The following CRLS1 variants were observed in gnomAD, a reference collection of about 807,000 sequenced individuals.
CRLS1 encodes cardiolipin synthase 1.
CRLS1 carries 24 observed loss-of-function variants against 37.0 expected under a neutral mutation model. That is an observed-to-expected ratio of 0.65 (90% CI 0.47 to 0.91). The LOEUF (loss-of-function observed/expected upper bound fraction) is 0.91, where lower values mean the gene tolerates loss of function less well. Ranked by LOEUF, CRLS1 falls within the 40% of genes least tolerant of loss-of-function variation. The pLI, the probability that CRLS1 is intolerant of heterozygous loss-of-function variation, is 0.00. For synonymous variants in CRLS1, 135 were observed against 159.7 expected (o/e 0.85, Z 1.17); for missense variants, 373 against 395.8 (o/e 0.94, Z 0.49).
chr20:6,010,638 A>G (rs987799284), intron 2 of CRLS1, among the ~76,000 whole-genome samples: 1 of 152,324 alleles, frequency 6.6e-6, no homozygotes, highest in Admixed American at 6.5e-5. Flanking sequence ...ACTGGAAAAT[A>G]ATTTTATAAC....
intron 3 of CRLS1, among the ~76,000 whole-genome samples, chr20:6,027,911 AT>A (rs1314659887): frequency 1.3e-5 from 2 of 152,200 alleles, no homozygotes; most frequent in African/African-American, 4.8e-5. Context: ...TCTTGTGGGA[AT>A]TCCTTTCTAA....
chr20:6,018,216 C>CAAA (rs57874755), intron 3 of CRLS1, among the ~76,000 whole-genome samples: 2,321 of 78,212 alleles, frequency 0.03, 203 homozygotes, highest in African/African-American at 0.11. Context: ...ACTCTGTCCT[C>CAAA]AAAAAAAAAA....
At chr20:6,033,251 T>C (rs1980311869) in intron 5 of CRLS1, among the ~76,000 whole-genome samples, 1 of 151,992 alleles carries the variant, frequency 6.6e-6, no homozygotes, top group Admixed American at 6.6e-5. Context: ...TGCCTCAGTC[T>C]CCCAAGTAGC....
In CRLS1 at chr20:6,012,257, G is replaced by A. The variant is rs137969337; in HGVS notation, c.444+2345G>A. ...CCAGGGAACGACAAAGTCTGATTGC[G>A]TTGTGTGTGGAAAATGGATTATAGA... On this transcript the variant is annotated intron_variant, in intron 2 of 6. Coordinates refer to ENST00000378863, the MANE Select transcript of CRLS1 (RefSeq NM_019095.6). Among the ~76,000 whole-genome samples the A allele has an allele frequency of 4.0e-3, 608 of 152,262 alleles. 2 individuals carry two copies. Among genetic ancestry groups the A allele is most frequent in the African/African-American group, 0.014 (571 of 41,552 alleles).
chr20:6,012,088 A>AG (rs1978365258), intron 2 of CRLS1, among the ~76,000 whole-genome samples: 1 of 151,228 alleles, frequency 6.6e-6, no homozygotes, highest in African/African-American at 2.4e-5. Context: ...AATGTTAGAG[A>AG]GGCCCCATTA....
chr20:6,028,093 T>A (rs1979867470), intron 3 of CRLS1, among the ~76,000 whole-genome samples: 1 of 152,262 alleles, frequency 6.6e-6, no homozygotes, highest in South Asian at 2.1e-4. Context: ...TCTTGCATGT[T>A]CCTACTTTTA....
Position 6,034,475 on chromosome 20 carries a change from A to C in CRLS1, c.741A>C (p.Ala247=), listed in dbSNP as rs1287316460. Residue 247 remains alanine, a synonymous_variant, in exon 6 of 7, where the codon GCA becomes GCC. Coordinates refer to ENST00000378863, the MANE Select transcript of CRLS1 (RefSeq NM_019095.6). The stretch of plus-strand genomic sequence containing the variant: ...CTTTTTTTATTTAGGTGAATACAGC[A>C]GTCCAGTTAATCTTGGTGGCAGCTT... ...KPTFISKVNT[A]VQLILVAASL... 1 of 1,611,996 alleles carries C rather than the reference A, an allele frequency of 6.2e-7. No homozygotes were observed. Among genetic ancestry groups the C allele is most frequent in the East Asian group, 2.2e-5 (1 of 44,868 alleles).
intron 2 of CRLS1, among the ~76,000 whole-genome samples, chr20:6,014,300 T>C (rs1436501984): frequency 6.6e-6 from 1 of 152,198 alleles, no homozygotes; most frequent in East Asian, 1.9e-4. Context: ...CTTGAACAGC[T>C]TCTGTTCTGC....
chr20:6,026,711 C>T (rs1336991319), intron 3 of CRLS1, among the ~76,000 whole-genome samples: 3 of 152,142 alleles, frequency 2.0e-5, no homozygotes, highest in Non-Finnish European at 4.4e-5. Context: ...CCTGAATTCT[C>T]AGTATCTTTA....
intron 1 of CRLS1, chr20:6,007,290 G>T: frequency 6.4e-7 from 1 of 1,566,476 alleles, no homozygotes; most frequent in East Asian, 2.3e-5. Flanking sequence ...GATCCTGGCA[G>T]GGGTCTCAAC....
Position 6,037,650 on chromosome 20 carries a change from A to T in CRLS1, c.*492A>T, listed in dbSNP as rs1387805712. On this transcript the variant is annotated 3_prime_UTR_variant, in exon 7 of 7. Coordinates refer to ENST00000378863, the MANE Select transcript of CRLS1 (RefSeq NM_019095.6). ...TAATTAATACCTGATCATTTGGGAT[A>T]ATGAAAGTGAAGTTAGTTGTAGATG... 6.6e-6 allele frequency: 1 copy of T among 152,284 alleles called. No individual in the cohort carries two copies. Among genetic ancestry groups the T allele is most frequent in the Non-Finnish European group, 1.5e-5 (1 of 68,072 alleles). The allele number at this position is 152,284 out of a possible 1,614,324, so 9.4% of individuals were successfully genotyped here. A position where few individuals can be genotyped will look rare whatever the true frequency, so the allele number is the denominator to read the frequency against.
chr20:6,038,934 C>A lies in CRLS1; in HGVS notation c.*1776C>A, dbSNP rs1051309822. 2.6e-5 allele frequency: 4 copies of A among 152,152 alleles called. No homozygotes were observed. Among genetic ancestry groups the A allele is most frequent in the Admixed American group, 6.5e-5 (1 of 15,278 alleles). 9.4% of individuals were successfully genotyped at this position (152,152 alleles called of 1,614,324 possible). On this transcript the variant is annotated 3_prime_UTR_variant, in exon 7 of 7. Coordinates refer to ENST00000378863, the MANE Select transcript of CRLS1 (RefSeq NM_019095.6). ...CCAAGTCTCCTCAGGCTTTTGGATA[C>A]TGAATTGTTATAAAACACATCAATT...
Position 6,031,379 on chromosome 20 carries a change from G to A in CRLS1, c.660+9G>A, listed in dbSNP as rs761353080. On this transcript the variant is annotated intron_variant, in intron 4 of 6. Coordinates refer to ENST00000378863, the MANE Select transcript of CRLS1 (RefSeq NM_019095.6). ...GAACTCTTCCAACACCAGTGAGTTT[G>A]TTTCCAAAAAGTATTCTTTTAGCAT... 1.8e-5 allele frequency: 28 copies of A among 1,580,290 alleles called. 1 individual carries two copies. In the South Asian group the frequency reaches 3.0e-4, roughly 17 times the overall value.
chr20:6,022,432 G>C (rs71338521), intron 3 of CRLS1, among the ~76,000 whole-genome samples: 37 of 147,046 alleles, frequency 2.5e-4, no homozygotes, highest in Non-Finnish European at 3.1e-4. Flanking sequence ...TCTGCCTCCC[G>C]GGCTCAAGCA....
At position 6,011,572 on chromosome 20, in the gene CRLS1, CTTTTTTTTTTTTTT is replaced by C. The variant is rs559511975; in HGVS notation, c.444+1681_444+1694del. On this transcript the variant is annotated intron_variant, in intron 2 of 6. Coordinates refer to ENST00000378863, the MANE Select transcript of CRLS1 (RefSeq NM_019095.6). Reference sequence around the variant, plus strand: ...TCTTTCTCCTTTTCTTTTGTCCCTGCTTTTTTTTTTTTTTTTTTTTTTTTTTTTTTTTTTGGGGA... The same window carrying C: ...TCTTTCTCCTTTTCTTTTGTCCCTGCTTTTTTTTTTTTTTTTTTTTGGGGA... Among the ~76,000 whole-genome samples, 53 of 27,860 alleles carry C rather than the reference CTTTTTTTTTTTTTT, an allele frequency of 1.9e-3. 1 individual carries two copies. In the South Asian group the frequency reaches 0.027, roughly 14 times the overall value. The allele number at this position is 27,860 out of a possible 152,430, so 18.3% of individuals were successfully genotyped here.
At position 6,015,434 on chromosome 20, in the gene CRLS1, A is replaced by G. The variant is rs1171614310; in HGVS notation, c.518A>G (p.Asp173Gly). 5 of 1,612,670 alleles carry G rather than the reference A, an allele frequency of 3.1e-6. No homozygotes were observed. The highest frequency in any genetic ancestry group is 4.2e-6 in the Non-Finnish European group (5 of 1,179,004). ...GGAAGTGCTCTTGATCCACTTGCTG[A>G]TAAAATACTTATCAGTATCTTATAT... is the stretch of plus-strand genomic sequence containing the variant. ...ALGSALDPLADKILISILYVS... is the reference protein window; with the variant it reads ...ALGSALDPLAGKILISILYVS... The change falls in exon 3 of 7, where the codon GAT becomes GGT. Residue 173 changes from aspartate to glycine, a missense_variant. Asp to Gly is a moderately conservative substitution (Grantham distance 94, BLOSUM62 -1). Coordinates refer to ENST00000378863, the MANE Select transcript of CRLS1 (RefSeq NM_019095.6).
At chr20:6,006,874 C>A in intron 1 of CRLS1, 1 of 947,022 alleles carries the variant, frequency 1.1e-6, no homozygotes, top group Middle Eastern at 5.5e-4. Context: ...ATTTTTAATT[C>A]TTTTGAAGTG....
At chr20:6,007,109 C>A in intron 1 of CRLS1, 1 of 586,402 alleles carries the variant, frequency 1.7e-6, no homozygotes, top group Non-Finnish European at 2.6e-6. Flanking sequence ...AAGTATTTGT[C>A]CACTTACCTG....
At chr20:6,012,535 T>C (rs1310440071) in intron 2 of CRLS1, among the ~76,000 whole-genome samples, 1 of 152,016 alleles carries the variant, frequency 6.6e-6, no homozygotes, top group African/African-American at 2.4e-5. Flanking sequence ...GGGACTTACT[T>C]TAAAAAAAAA....
Sources: allele counts gnomAD v4.1 joint callset (sites outside exome capture counted in the v4.1 genomes callset), GRCh38; gene constraint gnomAD v4.1.1; transcripts MANE v1.5; gene names NCBI Gene and HGNC (gene_info 2026-07-23, HGNC 2026-07-21).